CUBN: variants seen among roughly 807,000 people sequenced by gnomAD.
CUBN encodes the protein cubilin, also known as 460 kDa receptor.
In CUBN, 282 loss-of-function variants were observed where a neutral mutation model predicts 405.3. The observed-to-expected ratio is 0.70, with a 90% CI of 0.63 to 0.77. The LOEUF is 0.77. CUBN is among the 30% of genes least tolerant of loss of function. CUBN has a pLI of 0.00. For synonymous variants in CUBN, 1,684 were observed against 1,617.0 expected (o/e 1.04, Z -0.99); for missense variants, 4,514 against 4,475.2 (o/e 1.01, Z -0.25).
chr10:17,044,960 GGGT>G lies in CUBN; in HGVS notation c.3672+44_3672+46del, dbSNP rs764155488. 6.5e-6 allele frequency: 10 copies of G among 1,546,488 alleles called. No homozygotes were observed. In the South Asian group the frequency reaches 1.1e-4, roughly 17 times the overall value. On this transcript the variant is annotated intron_variant, in intron 25 of 66. Transcript: ENST00000377833. ...AATAAAAATAAGTGCATTGTGCGTT[GGGT>G]GAGATGGGAGCAGGGAACAATATGA... is the stretch of plus-strand genomic sequence containing the variant.
chr10:17,085,325 G>A (rs574989837), intron 16 of CUBN, among the ~76,000 whole-genome samples: 34 of 152,200 alleles, frequency 2.2e-4, no homozygotes, highest in African/African-American at 7.9e-4. Context: ...CGAGGGACCT[G>A]GTGCCCTGAA....
At chr10:17,061,166 T>TA (rs1184531179) in intron 22 of CUBN, among the ~76,000 whole-genome samples, 1 of 152,180 alleles carries the variant, frequency 6.6e-6, no homozygotes, top group Non-Finnish European at 1.5e-5. Flanking sequence ...CTGACCTCCC[T>TA]ACAGCATCCC....
chr10:16,847,679 T>C lies in CUBN; in HGVS notation c.9663+3556A>G, dbSNP rs374373337. Among the ~76,000 whole-genome samples, 46 of 152,272 alleles carry C rather than the reference T, an allele frequency of 3.0e-4. No individual in the cohort carries two copies. In the South Asian group the frequency reaches 7.9e-3, roughly 26 times the overall value. ...TACCCTTGCCAACTAACTCCTGCAA[T>C]GGATGCGATGTGGATTTCAAAAGAG... On this transcript the variant is annotated intron_variant, in intron 60 of 66. Transcript: ENST00000377833.
At chr10:17,071,389 C>A in intron 19 of CUBN, 37 bp downstream of exon 19, 5 of 1,598,796 alleles carry the variant, frequency 3.1e-6, no homozygotes, top group Non-Finnish European at 4.3e-6. Context: ...TTATAATATA[C>A]AACCAAATAC....
intron 63 of CUBN, 144 bp from the exon 64 acceptor site, chr10:16,835,339 A>C: frequency 3.9e-6 from 3 of 767,760 alleles, no homozygotes; most frequent in Admixed American, 4.1e-5. Flanking sequence ...CTTTGAGATA[A>C]TTGAGACCCT....
intron 22 of CUBN, among the ~76,000 whole-genome samples, chr10:17,052,616 C>T (rs1835295161): frequency 1.3e-5 from 2 of 151,250 alleles, no homozygotes; most frequent in Admixed American, 1.3e-4. Context: ...AAAAATTAGC[C>T]AGGCGTGCTG....
At chr10:17,050,188 G>T (rs1835231545) in intron 22 of CUBN, among the ~76,000 whole-genome samples, 1 of 152,034 alleles carries the variant, frequency 6.6e-6, no homozygotes, top group Non-Finnish European at 1.5e-5. Flanking sequence ...GGTTGGCTGA[G>T]GTTCTTTAAT....
Position 16,907,651 on chromosome 10 carries a change from G to T in CUBN, c.7562C>A (p.Pro2521His), listed in dbSNP as rs756297369. 5.0e-6 allele frequency: 8 copies of T among 1,612,308 alleles called. No homozygotes were observed. The South Asian group carries it at 8.8e-5, about 18-fold the overall frequency. Residue 2521 changes from proline to histidine, a missense_variant, in exon 49 of 67, where the codon CCC becomes CAC. Pro to His is a moderately conservative substitution (Grantham distance 77). This residue lies in a region of CUBN where 1,613 missense variants were observed against 1,542.8 expected (regional missense o/e 1.05). Coordinates refer to ENST00000377833, the MANE Select transcript of CUBN (RefSeq NM_001081.4). ...IVFNGIRSNS[P>H]QLEKLCSSVN... is the part of the protein sequence containing the mutation. ...ACTACTACACAGTTTCTCTAGCTGG[G>T]GTGAGTTACTTCTAATGCCATTGAA...
chr10:17,085,176 A>G (rs1836077902), intron 16 of CUBN, among the ~76,000 whole-genome samples: 1 of 152,168 alleles, frequency 6.6e-6, no homozygotes, highest in Non-Finnish European at 1.5e-5. Context: ...CTGGAAGTGA[A>G]GCTCTAGAGT....
intron 56 of CUBN, among the ~76,000 whole-genome samples, chr10:16,885,745 T>C (rs921190546): frequency 6.6e-6 from 1 of 152,194 alleles, no homozygotes; most frequent in Non-Finnish European, 1.5e-5. Flanking sequence ...GGCTTTATAG[T>C]ACAATTACTA....
intron 28 of CUBN, among the ~76,000 whole-genome samples, chr10:17,017,281 T>C (rs1834352534): frequency 6.6e-6 from 1 of 152,152 alleles, no homozygotes; most frequent in Non-Finnish European, 1.5e-5. Flanking sequence ...CAAGGAGGAC[T>C]GAGGAAGGTC....
intron 45 of CUBN, 29 bp downstream of exon 45, chr10:16,918,593 T>C: frequency 6.4e-7 from 1 of 1,573,650 alleles, no homozygotes; most frequent in South Asian, 1.1e-5. Context: ...CCCCTGAACC[T>C]AAAATAAAAG....
chr10:16,854,706 C>A (rs796212672), intron 59 of CUBN, among the ~76,000 whole-genome samples: 43 of 152,296 alleles, frequency 2.8e-4, no homozygotes, highest in African/African-American at 1.0e-3. Context: ...TTAACTGTTA[C>A]TAATAAGTTC....
chr10:17,034,638 C>T (rs532797226), intron 27 of CUBN, among the ~76,000 whole-genome samples: 4 of 152,198 alleles, frequency 2.6e-5, no homozygotes, highest in South Asian at 2.1e-4. Context: ...CTAACAAGAT[C>T]CCCAGATGAT....
At chr10:16,840,818 G>T in intron 61 of CUBN, 67 bp downstream of exon 61, 2 of 1,361,164 alleles carry the variant, frequency 1.5e-6, no homozygotes, top group African/African-American at 1.4e-5. Context: ...TAATAAGCAG[G>T]GCATTCTTTT....
chr10:16,991,130 A>G (rs1302288744), intron 28 of CUBN, among the ~76,000 whole-genome samples: 1 of 152,230 alleles, frequency 6.6e-6, no homozygotes, highest in Non-Finnish European at 1.5e-5. Context: ...GTGTTTCAGA[A>G]TCTTGATATG....
At chr10:16,972,218 C>T (rs547521851) in intron 31 of CUBN, among the ~76,000 whole-genome samples, 48 of 152,196 alleles carry the variant, frequency 3.2e-4, no homozygotes, top group Non-Finnish European at 5.6e-4. Context: ...TGGCTTGGCC[C>T]CTTTCTCTTG....
At chr10:17,013,811 C>T (rs61842774) in intron 28 of CUBN, among the ~76,000 whole-genome samples, 21,016 of 152,188 alleles carry the variant, frequency 0.14, 1,582 homozygotes, top group African/African-American at 0.2. Flanking sequence ...GGTTACATCA[C>T]TAACTATGGC....
intron 6 of CUBN, among the ~76,000 whole-genome samples, chr10:17,117,730 G>A (rs890196904): frequency 3.3e-5 from 5 of 152,048 alleles, no homozygotes; most frequent in African/African-American, 1.2e-4. Context: ...GCACCCTGCT[G>A]AAGAATCTTT....
Sources: allele counts gnomAD v4.1 joint callset (sites outside exome capture counted in the v4.1 genomes callset), GRCh38; gene constraint gnomAD v4.1.1; regional missense constraint gnomAD v4.1.1; transcripts MANE v1.5; gene names NCBI Gene and HGNC (gene_info 2026-07-23, HGNC 2026-07-21).